Variants in ATG13 observed in about 807,000 individuals in gnomAD.
The protein encoded by ATG13 is autophagy related 13.
ATG13 carries 23 observed loss-of-function variants against 65.5 expected under a neutral mutation model. That is an observed-to-expected ratio of 0.35 (90% CI 0.25 to 0.50). The LOEUF (loss-of-function observed/expected upper bound fraction) is 0.50, where lower values mean the gene tolerates loss of function less well. Among genes scored for constraint, ATG13 ranks in the 20% least tolerant of loss-of-function variants. The pLI is 0.98. For synonymous variants in ATG13, 252 were observed against 245.2 expected (o/e 1.03, Z -0.26); for missense variants, 566 against 677.0 (o/e 0.84, Z 1.82).
At chr11:46,650,948 A>G (rs1331482535) in intron 7 of ATG13, among the ~76,000 whole-genome samples, 1 of 152,174 alleles carries the variant, frequency 6.6e-6, no homozygotes, top group East Asian at 1.9e-4. Flanking sequence ...GGAAGATTCC[A>G]CAGTTTTCTG....
chr11:46,637,110 G>C (rs1208483594), intron 2 of ATG13, among the ~76,000 whole-genome samples: 1 of 152,158 alleles, frequency 6.6e-6, no homozygotes, highest in African/African-American at 2.4e-5. Context: ...CTAAAGGGAG[G>C]CATGAGGAAA....
At chr11:46,657,314 A>T in intron 9 of ATG13, 123 bp downstream of exon 9, 1 of 1,025,322 alleles carries the variant, frequency 9.8e-7, no homozygotes, top group South Asian at 1.4e-5. Context: ...AGAAGAATAA[A>T]GAGAGAGTGC....
At chr11:46,645,784 A>G (rs1476219429) in intron 4 of ATG13, 86 bp from the exon 5 acceptor site, 6 of 1,548,862 alleles carry the variant, frequency 3.9e-6, no homozygotes, top group Non-Finnish European at 4.4e-6. Flanking sequence ...AGCCACAGCA[A>G]TACTTGCATT....
chr11:46,667,931 T>C (rs1565622534), intron 15 of ATG13, 44 bp downstream of exon 15: 1 of 1,485,856 alleles, frequency 6.7e-7, no homozygotes, highest in South Asian at 1.1e-5. Context: ...TCTGAGTTCT[T>C]AGAGTAAGGC....
At chr11:46,646,145 G>GT (rs1339122494) in intron 5 of ATG13, among the ~76,000 whole-genome samples, 156 bp downstream of exon 5, 2 of 151,848 alleles carry the variant, frequency 1.3e-5, no homozygotes, top group African/African-American at 4.8e-5. Context: ...TTTTTTGTTT[G>GT]TTTGTTTTGT....
rs35309491 is a variant in ATG13 at position 46,662,017 on chromosome 11, TC to T, written c.790-1976del. 2.6e-5 allele frequency among the ~76,000 whole-genome samples: 4 copies of T among 152,006 alleles called. No individual in the cohort carries two copies. The East Asian group carries it at 7.7e-4, about 29-fold the overall frequency. ...AGTTTGGGGGTTTGAGAATTGTCAT[TC>T]CCCTGCTCTCATGAACATATGTAGG... On this transcript the variant is annotated intron_variant, in intron 11 of 18. Transcript: ENST00000683050.
At chr11:46,635,977 G>A (rs2136058571) in intron 2 of ATG13, among the ~76,000 whole-genome samples, 1 of 152,196 alleles carries the variant, frequency 6.6e-6, no homozygotes, top group East Asian at 1.9e-4. Context: ...ACAGGGCCTT[G>A]CTCTGTCACC....
chr11:46,623,322 C>T (rs1283366251), intron 1 of ATG13, among the ~76,000 whole-genome samples: 1 of 152,060 alleles, frequency 6.6e-6, no homozygotes, highest in Admixed American at 6.6e-5. Context: ...ATTTGAAGTA[C>T]GTCCATAAAG....
chr11:46,619,056 G>T (rs1302332636), intron 1 of ATG13, among the ~76,000 whole-genome samples: 1 of 152,132 alleles, frequency 6.6e-6, no homozygotes, highest in African/African-American at 2.4e-5. Flanking sequence ...CCAACATGGG[G>T]TGTGGAGCTA....
intron 5 of ATG13, among the ~76,000 whole-genome samples, chr11:46,647,517 A>T (rs538930172): frequency 6.6e-6 from 1 of 151,762 alleles, no homozygotes; most frequent in Admixed American, 6.6e-5. Flanking sequence ...ACTTCAGGTG[A>T]TCCACCTGCG....
At chr11:46,630,160 A>C (rs2051191124) in intron 2 of ATG13, 60 bp downstream of exon 2, 1 of 152,208 alleles carries the variant, frequency 6.6e-6, no homozygotes, top group Non-Finnish European at 1.5e-5. Context: ...AAAGGAATAA[A>C]ATGGATGTAA....
intron 2 of ATG13, among the ~76,000 whole-genome samples, chr11:46,641,865 C>G (rs2056141453): frequency 6.6e-6 from 1 of 151,516 alleles, no homozygotes; most frequent in Non-Finnish European, 1.5e-5. Context: ...GCCTTGACCT[C>G]CAGGGCTCAG....
At chr11:46,634,087 G>A (rs897049834) in intron 2 of ATG13, among the ~76,000 whole-genome samples, 1 of 151,792 alleles carries the variant, frequency 6.6e-6, no homozygotes, top group Admixed American at 6.6e-5. Flanking sequence ...AGCTGAGTTT[G>A]CCTGGGATTT....
chr11:46,641,350 G>C (rs1021732210), intron 2 of ATG13, among the ~76,000 whole-genome samples: 1 of 152,184 alleles, frequency 6.6e-6, no homozygotes, highest in Admixed American at 6.5e-5. Context: ...GATTACAGGC[G>C]TGAGCCACTG....
At chr11:46,656,567 A>G (rs1197403846) in intron 8 of ATG13, among the ~76,000 whole-genome samples, 1 of 152,218 alleles carries the variant, frequency 6.6e-6, no homozygotes, top group African/African-American at 2.4e-5. Context: ...GAACAACAAG[A>G]ATTTTGAAAA....
At chr11:46,652,814 G>A (rs565938671) in intron 7 of ATG13, among the ~76,000 whole-genome samples, 6 of 152,102 alleles carry the variant, frequency 3.9e-5, no homozygotes, top group Non-Finnish European at 8.8e-5. Flanking sequence ...CTTGTTAAAG[G>A]CCTTAAAGGG....
rs942703613 is a variant in ATG13 at position 46,617,700 on chromosome 11, G to C, written c.-260G>C. ...CGACGTGGGTGCGACAACTCGCGGA[G>C]TCTTAGGAGCAAAACGTCTGGGGCC... On this transcript the variant is annotated 5_prime_UTR_variant, in exon 1 of 19. Transcript: ENST00000683050. 1 of 397,338 alleles carries C rather than the reference G, an allele frequency of 2.5e-6. No individual in the cohort carries two copies. 24.6% of individuals were successfully genotyped at this position (397,338 alleles called of 1,614,324 possible).
rs974608395 is a variant in ATG13, at chr11:46,674,374, G to C, written c.*2042G>C. ...TAGACTGACTCCTGCAGCACCCCCG[G>C]GACAGGCTGGGACCAGCTGTTTGTC... On this transcript the variant is annotated 3_prime_UTR_variant, in exon 19 of 19. Transcript: ENST00000683050. 1 of 152,206 alleles carries C rather than the reference G, an allele frequency of 6.6e-6. No individual in the cohort carries two copies. Among genetic ancestry groups the C allele is most frequent in the African/African-American group, 2.4e-5 (1 of 41,406 alleles). The allele number at this position is 152,206 out of a possible 1,614,324, so 9.4% of individuals were successfully genotyped here. A position where few individuals can be genotyped will look rare whatever the true frequency, so the allele number is the denominator to read the frequency against.
rs1565398086 is a variant in ATG13 at position 46,622,104 on chromosome 11, TATATATATATATATATATATA to T, written c.-70+4215_-70+4235del. On this transcript the variant is annotated intron_variant, in intron 1 of 18. Transcript: ENST00000683050. The stretch of plus-strand genomic sequence containing the variant: ...ATATATATATATATATATATATATA[TATATATATATATATATATATA>T]TATTTATTTTAGAGATGGTATTTGC... Among the ~76,000 whole-genome samples, 99 of 120,242 alleles carry T rather than the reference TATATATATATATATATATATA, an allele frequency of 8.2e-4. 3 individuals carry two copies. The highest frequency in any genetic ancestry group is 2.9e-3 in the African/African-American group (94 of 32,308). 78.9% of individuals were successfully genotyped at this position (120,242 alleles called of 152,430 possible).
Sources: allele counts gnomAD v4.1 joint callset (sites outside exome capture counted in the v4.1 genomes callset), GRCh38; gene constraint gnomAD v4.1.1; transcripts MANE v1.5; gene names NCBI Gene and HGNC (gene_info 2026-07-23, HGNC 2026-07-21).